SELENOO: variants seen among roughly 807,000 people sequenced by gnomAD.
SELENOO encodes selenoprotein O.
Under a neutral mutation model 58.7 loss-of-function variants are expected in SELENOO, and 74 were observed. The ratio of observed to expected loss-of-function variants is 1.26; its 90% CI spans 1.04 to 1.53. The LOEUF (loss-of-function observed/expected upper bound fraction) is 1.53. SELENOO is among the 40% of genes most tolerant of loss of function. SELENOO has a pLI of 0.00. For missense variants in SELENOO, 1,149 were observed against 970.0 expected, an observed-to-expected ratio of 1.18 and a Z score of -2.45; for synonymous variants, 543 against 453.2, an observed-to-expected ratio of 1.20 and a Z score of -2.52.
At chr22:50,212,606 C>T (rs1238645000) in intron 5 of SELENOO, among the ~76,000 whole-genome samples, 2 of 152,194 alleles carry the variant, frequency 1.3e-5, no homozygotes, top group Non-Finnish European at 2.9e-5. Context: ...GTTACCAGCT[C>T]CCCATTCCCC....
chr22:50,210,191 G>A lies in SELENOO; in HGVS notation c.950G>A (p.Arg317His), dbSNP rs370769623. The change falls in exon 4 of 9, where the codon CGC becomes CAC. Residue 317 changes from arginine to histidine, a missense_variant. Coordinates refer to ENST00000380903, the MANE Select transcript of SELENOO (RefSeq NM_031454.2). ...NAAFFREVTR[R>H]TARMVAEWQC... Reference sequence around the variant, plus strand: ...ACTGTCCCACCCCAGGTGACGCGGCGCACGGCGCGGATGGTGGCCGAGTGG... The same window carrying A: ...ACTGTCCCACCCCAGGTGACGCGGCACACGGCGCGGATGGTGGCCGAGTGG... 4.3e-5 allele frequency: 70 copies of A among 1,613,050 alleles called. No individual in the cohort carries two copies. The highest frequency in any genetic ancestry group is 5.5e-5 in the Non-Finnish European group (65 of 1,179,838).
chr22:50,215,674 C>T (rs1480865173), intron 5 of SELENOO, 43 bp from the exon 6 acceptor site: 1 of 1,516,752 alleles, frequency 6.6e-7, no homozygotes, highest in Admixed American at 1.8e-5. Context: ...GACAGGGACC[C>T]TGGGCCTTCT....
chr22:50,210,630 G>A lies in SELENOO; in HGVS notation c.1071-1G>A, dbSNP rs2064363106. Reference sequence around the variant, plus strand: ...CGTGGCTCTCTTGCCCCGTGTGGCAGGTACGACCCCGACCACGTGTGCAAT... The same window carrying A: ...CGTGGCTCTCTTGCCCCGTGTGGCAAGTACGACCCCGACCACGTGTGCAAT... On this transcript the variant is annotated splice_acceptor_variant, in intron 4 of 8. Coordinates refer to ENST00000380903, the MANE Select transcript of SELENOO (RefSeq NM_031454.2). LOFTEE classifies it high-confidence loss of function. The A allele has an allele frequency of 6.2e-7, 1 of 1,612,748 alleles. No individual in the cohort carries two copies. Among genetic ancestry groups the A allele is most frequent in the Admixed American group, 1.7e-5 (1 of 60,002 alleles).
At chr22:50,216,395 T>TGTTA (rs1054394384) in intron 6 of SELENOO, among the ~76,000 whole-genome samples, 2 of 152,226 alleles carry the variant, frequency 1.3e-5, no homozygotes, top group African/African-American at 2.4e-5. Context: ...CTAACAGCAG[T>TGTTA]GCCCATCCCA....
In SELENOO at chr22:50,217,098, C is replaced by T. The variant is rs755190145; in HGVS notation, c.1815C>T (p.Ile605=). The part of the protein sequence containing the change: ...VLRNYIAQNA[I]EAAERGDFSE... Reference sequence around the variant, plus strand: ...GGAACTACATCGCGCAGAATGCCATCGAGGCTGCCGAGCGCGGGGACTTCT... The same window carrying T: ...GGAACTACATCGCGCAGAATGCCATTGAGGCTGCCGAGCGCGGGGACTTCT... The change falls in exon 8 of 9, where the codon ATC becomes ATT. Residue 605 remains isoleucine (I), a synonymous_variant. Coordinates refer to ENST00000380903, the MANE Select transcript of SELENOO (RefSeq NM_031454.2). The T allele has an allele frequency of 3.8e-5, 62 of 1,612,866 alleles. No individual in the cohort carries two copies. Among genetic ancestry groups the T allele is most frequent in the Non-Finnish European group, 4.7e-5 (56 of 1,179,932 alleles).
rs766588827 is a variant in SELENOO at position 50,210,701 on chromosome 22, G to A, written c.1141G>A (p.Val381Met). 7.4e-6 allele frequency: 12 copies of A among 1,613,292 alleles called. No homozygotes were observed. Among genetic ancestry groups the A allele is most frequent in the Non-Finnish European group, 1.0e-5 (12 of 1,180,024 alleles). ...GRYAYSKQPE[V>M]CRWNLRKLAE... is the part of the protein sequence containing the mutation. ...CTACGCGTACAGCAAGCAGCCCGAGGTGTGCAGGTGGAACCTGCGGAAGCT... is the reference window on the plus strand; with the variant it reads ...CTACGCGTACAGCAAGCAGCCCGAGATGTGCAGGTGGAACCTGCGGAAGCT... The change falls in exon 5 of 9, where the codon GTG (valine) becomes ATG (methionine). Residue 381 changes from valine to methionine, a missense_variant. Val to Met is a conservative substitution (Grantham distance 21). Coordinates refer to ENST00000380903, the MANE Select transcript of SELENOO (RefSeq NM_031454.2).
At chr22:50,206,053 T>C in intron 1 of SELENOO, 1 of 550,268 alleles carries the variant, frequency 1.8e-6, no homozygotes, top group Non-Finnish European at 3.3e-6. Context: ...ACCCTCGTTC[T>C]GGGCAGGAAG....
At chr22:50,208,782 C>A in intron 3 of SELENOO, 66 bp downstream of exon 3, 1 of 1,488,982 alleles carries the variant, frequency 6.7e-7, no homozygotes. Flanking sequence ...GTGTTGAAGA[C>A]ACCCTCATTT....
At chr22:50,201,617 G>A (rs1235426044) in intron 1 of SELENOO, 27 bp downstream of exon 1, 4 of 1,246,146 alleles carry the variant, frequency 3.2e-6, no homozygotes, top group Non-Finnish European at 4.0e-6. Context: ...GAGGGGCGCG[G>A]GTGGGTCCTC....
rs578196740 is a variant in SELENOO, at chr22:50,215,864, C to T, written c.1499C>T (p.Pro500Leu). 6 of 1,604,536 alleles carry T rather than the reference C, an allele frequency of 3.7e-6. No individual in the cohort carries two copies. In the East Asian group the frequency reaches 1.3e-4, roughly 36 times the overall value. Residue 500 changes from proline to leucine, a missense_variant, in exon 6 of 9, where the codon CCC (proline) becomes CTC (leucine). Pro to Leu is a moderately conservative substitution (Grantham distance 98). Transcript: ENST00000380903. ...LRLAFRPQMD[P>L]RQLSMMLMLA... ...CTGGCCTTCCGGCCCCAGATGGATC[C>T]CCGGTGGGTACTCAGTTCCTACTTC...
Position 50,210,734 on chromosome 22 carries a change from G to T in SELENOO, c.1174G>T (p.Ala392Ser). The T allele has an allele frequency of 6.2e-7, 1 of 1,613,556 alleles. No individual in the cohort carries two copies. Among genetic ancestry groups the T allele is most frequent in the Non-Finnish European group, 8.5e-7 (1 of 1,180,014 alleles). ...GTGGAACCTGCGGAAGCTGGCCGAG[G>T]CCCTGCAGCCGGAACTGCCCCTGGA... ...CRWNLRKLAEALQPELPLELG... is the reference protein window; with the variant it reads ...CRWNLRKLAESLQPELPLELG... Residue 392 changes from alanine to serine, a missense_variant, in exon 5 of 9, where the codon GCC becomes TCC. Physicochemically the swap from Ala to Ser is moderately conservative, Grantham distance 99. Transcript: ENST00000380903.
chr22:50,210,305 T>C lies in SELENOO; in HGVS notation c.1064T>C (p.Leu355Pro). Residue 355 changes from leucine to proline, a missense_variant, in exon 4 of 9, where the codon CTG (leucine) becomes CCG (proline). By Grantham distance (98) the Leu-to-Pro change is moderately conservative. Coordinates refer to ENST00000380903, the MANE Select transcript of SELENOO (RefSeq NM_031454.2). ...LTIDYGPFGFLDRYDPDHVCN... is the reference protein window; with the variant it reads ...LTIDYGPFGFPDRYDPDHVCN... Reference sequence around the variant, plus strand: ...ATCGACTACGGGCCCTTTGGCTTCCTGGACAGGTAAGTGGCCCTGGGGCCC... The same window carrying C: ...ATCGACTACGGGCCCTTTGGCTTCCCGGACAGGTAAGTGGCCCTGGGGCCC... 3 of 1,612,944 alleles carry C rather than the reference T, an allele frequency of 1.9e-6. No individual in the cohort carries two copies. The highest frequency in any genetic ancestry group is 2.5e-6 in the Non-Finnish European group (3 of 1,179,862).
chr22:50,207,716 A>T (rs896568189), intron 2 of SELENOO, among the ~76,000 whole-genome samples: 1 of 146,190 alleles, frequency 6.8e-6, no homozygotes, highest in Non-Finnish European at 1.5e-5. Flanking sequence ...TGCCAGTAGT[A>T]ACCCCAGTTG....
At chr22:50,204,472 C>T (rs1013271130) in intron 1 of SELENOO, among the ~76,000 whole-genome samples, 1 of 151,090 alleles carries the variant, frequency 6.6e-6, no homozygotes. Flanking sequence ...ACAAAAAATA[C>T]AAAAATTAGC....
chr22:50,210,872 G>A lies in SELENOO; in HGVS notation c.1312G>A (p.Ala438Thr), dbSNP rs2064366599. ...GCAGGTGGAGCTGGAGGAAGACGGG[G>A]CGCTGGTGTCCAAGCTCCTGGAGAC... ...LVQVELEEDG[A>T]LVSKLLETMH... Residue 438 changes from alanine to threonine, a missense_variant, in exon 5 of 9, where the codon GCG (alanine) becomes ACG (threonine). Coordinates refer to ENST00000380903, the MANE Select transcript of SELENOO (RefSeq NM_031454.2). 4 of 1,614,000 alleles carry A rather than the reference G, an allele frequency of 2.5e-6. No individual in the cohort carries two copies. The highest frequency in any genetic ancestry group is 2.2e-5 in the East Asian group (1 of 44,898).
chr22:50,211,207 C>T (rs1000382216), intron 5 of SELENOO, among the ~76,000 whole-genome samples: 1 of 152,196 alleles, frequency 6.6e-6, no homozygotes, highest in Non-Finnish European at 1.5e-5. Flanking sequence ...AGAAGCATCC[C>T]GTTGTGTGGA....
At chr22:50,207,019 T>C (rs1359027448) in intron 2 of SELENOO, among the ~76,000 whole-genome samples, 1 of 152,230 alleles carries the variant, frequency 6.6e-6, no homozygotes, top group African/African-American at 2.4e-5. Flanking sequence ...AGCCGCAAGC[T>C]GTGCGCGGTG....
At chr22:50,210,112 A>G in intron 3 of SELENOO, 69 bp from the exon 4 acceptor site, 2 of 1,558,542 alleles carry the variant, frequency 1.3e-6, no homozygotes, top group Non-Finnish European at 1.7e-6. Flanking sequence ...AGGGAGGGGA[A>G]GGATGGACAC....
chr22:50,208,505 G>C, intron 2 of SELENOO, 31 bp from the exon 3 acceptor site: 1 of 1,603,000 alleles, frequency 6.2e-7, no homozygotes, highest in Non-Finnish European at 8.5e-7. Flanking sequence ...GGTCAGGTTT[G>C]GGCTGTTGAC....
Sources: allele counts gnomAD v4.1 joint callset (sites outside exome capture counted in the v4.1 genomes callset), GRCh38; gene constraint gnomAD v4.1.1; transcripts MANE v1.5; gene names NCBI Gene and HGNC (gene_info 2026-07-23, HGNC 2026-07-21).